WDR37: variants seen among roughly 807,000 people sequenced by gnomAD.
WDR37 encodes the protein WD repeat domain 37.
A neutral mutation model predicts 62.9 loss-of-function variants in WDR37; 19 were observed. That is an observed-to-expected ratio of 0.30 (90% CI 0.21 to 0.44). WDR37 has a LOEUF of 0.44. Ranked by LOEUF, WDR37 falls within the 20% of genes least tolerant of loss-of-function variation. The pLI is 1.00. For synonymous variants in WDR37, 250 were observed against 260.9 expected (o/e 0.96, Z 0.40); for missense variants, 474 against 657.6 (o/e 0.72, Z 3.05).
At chr10:1,124,834 G>A in intron 12 of WDR37, 76 bp from the exon 13 acceptor site, 1 of 1,552,534 alleles carries the variant, frequency 6.4e-7, no homozygotes, top group Non-Finnish European at 8.8e-7. Context: ...GGAACCTCCT[G>A]CTTCATTATC....
chr10:1,107,384 C>T (rs989606181), intron 11 of WDR37, among the ~76,000 whole-genome samples: 1 of 152,250 alleles, frequency 6.6e-6, no homozygotes. Flanking sequence ...GCCTAGAGGA[C>T]GGGAGGAGCA....
At chr10:1,106,955 G>A (rs775604763) in intron 11 of WDR37, among the ~76,000 whole-genome samples, 3 of 152,204 alleles carry the variant, frequency 2.0e-5, no homozygotes, top group Admixed American at 6.5e-5. Context: ...GGCATCACAC[G>A]CATTAAACTG....
intron 7 of WDR37, among the ~76,000 whole-genome samples, chr10:1,087,373 G>A (rs150781763): frequency 6.6e-4 from 101 of 152,338 alleles, no homozygotes; most frequent in East Asian, 6.4e-3. Flanking sequence ...ACAGGAACGA[G>A]TGCTGTATTC....
intron 8 of WDR37, among the ~76,000 whole-genome samples, chr10:1,093,969 G>A (rs148200452): frequency 1.2e-4 from 19 of 152,314 alleles, no homozygotes; most frequent in Admixed American, 2.0e-4. Flanking sequence ...TAATTTCAGA[G>A]TAGTTTTAAA....
chr10:1,096,109 T>C, intron 8 of WDR37, 61 bp from the exon 9 acceptor site: 1 of 1,538,746 alleles, frequency 6.5e-7, no homozygotes, highest in South Asian at 1.1e-5. Flanking sequence ...ATAGTGGCGG[T>C]GAAGAGCGCA....
At chr10:1,118,767 A>G (rs990791351) in intron 11 of WDR37, among the ~76,000 whole-genome samples, 10 of 152,240 alleles carry the variant, frequency 6.6e-5, no homozygotes, top group African/African-American at 2.4e-4. Flanking sequence ...AGAGAGGGAC[A>G]TACCAGTGCT....
intron 11 of WDR37, among the ~76,000 whole-genome samples, chr10:1,122,087 G>A (rs1332416606): frequency 6.6e-6 from 1 of 151,364 alleles, no homozygotes; most frequent in Admixed American, 6.6e-5. Context: ...ATCCAGGGCC[G>A]CATAGAGCAT....
intron 5 of WDR37, among the ~76,000 whole-genome samples, chr10:1,083,715 G>A (rs1010874552): frequency 6.6e-6 from 1 of 152,242 alleles, no homozygotes; most frequent in Non-Finnish European, 1.5e-5. Flanking sequence ...TCGAGACGAT[G>A]CCTTTCTGTG....
At chr10:1,096,788 C>G (rs1175851545) in intron 9 of WDR37, among the ~76,000 whole-genome samples, 1 of 152,150 alleles carries the variant, frequency 6.6e-6, no homozygotes, top group Non-Finnish European at 1.5e-5. Context: ...CAGGGACCTG[C>G]TGGAGAAAGC....
At chr10:1,126,318 AT>A (rs1345870480) in intron 13 of WDR37, among the ~76,000 whole-genome samples, 3 of 149,514 alleles carry the variant, frequency 2.0e-5, no homozygotes, top group African/African-American at 7.6e-5. Context: ...AGGCAGGAGA[AT>A]GGCGTGAACC....
At chr10:1,093,644 T>A in intron 8 of WDR37, 148 bp downstream of exon 8, 1 of 702,070 alleles carries the variant, frequency 1.4e-6, no homozygotes, top group Non-Finnish European at 2.3e-6. Flanking sequence ...GAGAAATGGA[T>A]AAAGGAAAAT....
chr10:1,114,543 C>T (rs187161930), intron 11 of WDR37, among the ~76,000 whole-genome samples: 125 of 152,334 alleles, frequency 8.2e-4, no homozygotes, highest in Non-Finnish European at 1.1e-3. Context: ...AATGCGGTTG[C>T]TCACTTAACA....
intron 11 of WDR37, among the ~76,000 whole-genome samples, chr10:1,116,859 G>A (rs1300117020): frequency 6.6e-6 from 1 of 151,800 alleles, no homozygotes; most frequent in Non-Finnish European, 1.5e-5. Flanking sequence ...AGCAGATACA[G>A]TGTGCAGCTG....
At chr10:1,085,242 G>A (rs908637457) in intron 6 of WDR37, among the ~76,000 whole-genome samples, 3 of 152,194 alleles carry the variant, frequency 2.0e-5, no homozygotes, top group Admixed American at 6.5e-5. Flanking sequence ...AAAGTGTTGG[G>A]ATTACAGGCG....
Position 1,124,981 on chromosome 10 carries a change from T to C in WDR37, c.1310T>C (p.Met437Thr), listed in dbSNP as rs758574345. 6.2e-6 allele frequency: 10 copies of C among 1,614,226 alleles called. No individual in the cohort carries two copies. The highest frequency in any genetic ancestry group is 2.5e-6 in the Non-Finnish European group (3 of 1,180,038). Residue 437 changes from methionine (M) to threonine (T), a missense_variant, in exon 13 of 14, where the codon ATG becomes ACG. Transcript: ENST00000263150. Reference sequence around the variant, plus strand: ...AACCGACAAGTGAGACTGTTTGATATGTCAGGAGTGCGCCTGGCGCGGCTT... The same window carrying C: ...AACCGACAAGTGAGACTGTTTGATACGTCAGGAGTGCGCCTGGCGCGGCTT... ...HDNRQVRLFD[M>T]SGVRLARLPR... is the part of the protein sequence containing the mutation.
intron 13 of WDR37, among the ~76,000 whole-genome samples, chr10:1,126,454 C>G (rs1000248007): frequency 1.3e-5 from 2 of 152,062 alleles, no homozygotes; most frequent in African/African-American, 4.8e-5. Context: ...GTCTGCCCAG[C>G]CTTGTGCGTA....
chr10:1,108,739 G>T (rs2078590), intron 11 of WDR37, among the ~76,000 whole-genome samples: 5 of 111,906 alleles, frequency 4.5e-5, no homozygotes, highest in Non-Finnish European at 7.0e-5. Flanking sequence ...CTTCTGTGAT[G>T]CCCCCCCCCC....
chr10:1,126,984 C>G (rs1020855410), intron 13 of WDR37, among the ~76,000 whole-genome samples: 1 of 152,146 alleles, frequency 6.6e-6, no homozygotes, highest in South Asian at 2.1e-4. Context: ...ATTGCTTGTC[C>G]TGGGGAAGCT....
intron 3 of WDR37, 72 bp from the exon 4 acceptor site, chr10:1,079,935 TGCGA>T: frequency 8.2e-7 from 1 of 1,221,590 alleles, no homozygotes; most frequent in Non-Finnish European, 1.2e-6. Flanking sequence ...TTTTTCTGTG[TGCGA>T]GTTTTGGAAG....
Sources: allele counts gnomAD v4.1 joint callset (sites outside exome capture counted in the v4.1 genomes callset), GRCh38; gene constraint gnomAD v4.1.1; transcripts MANE v1.5; gene names NCBI Gene and HGNC (gene_info 2026-07-23, HGNC 2026-07-21).